The following VWF variants were observed in gnomAD, a reference collection of about 807,000 sequenced individuals.
VWF encodes the protein von Willebrand factor.
In VWF, 176 loss-of-function variants were observed where a neutral mutation model predicts 308.6. The ratio of observed to expected loss-of-function variants is 0.57; its 90% CI spans 0.50 to 0.65. VWF has a LOEUF of 0.65. Among genes scored for constraint, VWF ranks in the 30% least tolerant of loss-of-function variants. VWF has a pLI of 0.00. For synonymous variants in VWF, 1,385 were observed against 1,443.4 expected (o/e 0.96, Z 0.92); for missense variants, 3,146 against 3,648.2 (o/e 0.86, Z 3.55).
Position 6,058,103 on chromosome 12 carries a change from T to A in VWF, c.1534-59A>T, listed in dbSNP as rs1944610788. 15 of 1,587,980 alleles carry A rather than the reference T, an allele frequency of 9.4e-6. No homozygotes were observed. The highest frequency in any genetic ancestry group is 1.2e-5 in the Non-Finnish European group (14 of 1,166,596). On this transcript the variant is annotated intron_variant, in intron 13 of 51. Transcript: ENST00000261405. The surrounding 1 kb of genome is among the most constrained non-coding windows in gnomAD (Gnocchi z 4.9). ...GCCGCGAAAGCAGCGGCATAGTTGT[T>A]TAGCTAATGAGATGGTTTTAATAAA...
rs373887088 is a variant in VWF at position 6,058,207 on chromosome 12, C to T, written c.1534-163G>A. On this transcript the variant is annotated intron_variant, in intron 13 of 51. Coordinates refer to ENST00000261405, the MANE Select transcript of VWF (RefSeq NM_000552.5). This position sits in a 1 kb window ranked among gnomAD's most constrained non-coding sequence, Gnocchi z 4.9. Reference sequence around the variant, plus strand: ...AAGCCCTAGGCTGCAAAAGGGGGGGCGGGGGAAAGTGAACTGCAGTGTAAA... The same window carrying T: ...AAGCCCTAGGCTGCAAAAGGGGGGGTGGGGGAAAGTGAACTGCAGTGTAAA... Among the ~76,000 whole-genome samples the T allele has an allele frequency of 6.6e-6, 1 of 151,624 alleles. No individual in the cohort carries two copies. Among genetic ancestry groups the T allele is most frequent in the Non-Finnish European group, 1.5e-5 (1 of 67,918 alleles).
intron 10 of VWF, among the ~76,000 whole-genome samples, chr12:6,066,805 A>G (rs1193885301): frequency 6.6e-6 from 1 of 152,230 alleles, no homozygotes; most frequent in Non-Finnish European, 1.5e-5. Context: ...CTGGCACTTC[A>G]TGCTCGCATG....
At chr12:6,048,804 A>G (rs1340035213) in intron 16 of VWF, among the ~76,000 whole-genome samples, 1 of 152,224 alleles carries the variant, frequency 6.6e-6, no homozygotes, top group African/African-American at 2.4e-5. Flanking sequence ...GCTGCTGTTC[A>G]ATAAATATCT....
At chr12:5,949,961 T>G in intron 50 of VWF, 78 bp from the exon 51 acceptor site, 1 of 1,348,212 alleles carries the variant, frequency 7.4e-7, no homozygotes, top group Non-Finnish European at 1.1e-6. Flanking sequence ...GTGCCCTCAC[T>G]GGGCTGGAAA....
intron 50 of VWF, among the ~76,000 whole-genome samples, chr12:5,950,453 A>G (rs528045342): frequency 8.5e-5 from 13 of 152,180 alleles, no homozygotes; most frequent in Admixed American, 8.5e-4. Context: ...CACAGGGGTT[A>G]GTGGCATTCA....
chr12:5,968,176 G>A lies in VWF; in HGVS notation c.7730-9C>T, dbSNP rs1943426779. On this transcript the variant is annotated splice_polypyrimidine_tract_variant and intron_variant, in intron 45 of 51. Transcript: ENST00000261405. ...GCAGGCCTCCATGCGCTCTGGGGGA[G>A]AGAAAAGTGCAGAGTGAGAGTGGGC... The A allele has an allele frequency of 6.2e-7, 1 of 1,614,046 alleles. No homozygotes were observed. Among genetic ancestry groups the A allele is most frequent in the Non-Finnish European group, 8.5e-7 (1 of 1,179,968 alleles).
intron 5 of VWF, among the ~76,000 whole-genome samples, chr12:6,099,126 C>G (rs1945134754): frequency 6.6e-6 from 1 of 151,954 alleles, no homozygotes; most frequent in Admixed American, 6.6e-5. Context: ...TCAAGATCAG[C>G]CTGTCCAACA....
chr12:6,061,854 G>A (rs139153267), intron 13 of VWF, among the ~76,000 whole-genome samples: 70 of 152,300 alleles, frequency 4.6e-4, no homozygotes, highest in African/African-American at 1.6e-3. Context: ...CACATGACAT[G>A]CAATATTGCA....
chr12:6,014,006 C>T (rs1201311378), intron 31 of VWF, among the ~76,000 whole-genome samples: 1 of 152,000 alleles, frequency 6.6e-6, no homozygotes, highest in Non-Finnish European at 1.5e-5. Context: ...ATGCCCAGGG[C>T]TGAGGTGTGG....
chr12:5,960,900 C>T (rs1943306292), intron 47 of VWF, among the ~76,000 whole-genome samples: 1 of 152,200 alleles, frequency 6.6e-6, no homozygotes, highest in East Asian at 1.9e-4. Flanking sequence ...CTGGGCTGCA[C>T]AGCAGGAGGT....
At chr12:5,975,977 C>T (rs1943528427) in intron 43 of VWF, 134 bp downstream of exon 43, 1 of 1,316,232 alleles carries the variant, frequency 7.6e-7, no homozygotes, top group Non-Finnish European at 1.0e-6. Flanking sequence ...GATTGTGCCA[C>T]TGCACTCCAG....
intron 5 of VWF, among the ~76,000 whole-genome samples, chr12:6,098,533 C>A (rs547997858): frequency 6.6e-6 from 1 of 152,274 alleles, no homozygotes; most frequent in African/African-American, 2.4e-5. Flanking sequence ...AATCCCAGCA[C>A]TTTGGGAGGC....
chr12:6,072,331 C>T lies in VWF; in HGVS notation c.1109G>A (p.Cys370Tyr), dbSNP rs763827767. The T allele has an allele frequency of 1.2e-6, 2 of 1,613,550 alleles. No homozygotes were observed. The highest frequency in any genetic ancestry group is 1.7e-6 in the Non-Finnish European group (2 of 1,179,736). ...GTSLSRDCNT[C>Y]ICRNSQWICS... The stretch of plus-strand genomic sequence containing the variant: ...GAGCACGCTGCGCAGCCCCCATTAC[C>T]AGGTGTTGCAGTCTCGAGAGAGGGA... The change falls in exon 9 of 52, where the codon TGC (cysteine) becomes TAC (tyrosine). Residue 370 changes from cysteine (C) to tyrosine (Y), a missense_variant and splice_region_variant. Cys to Tyr is a radical substitution (Grantham distance 194). Around this residue, in one of 3 missense-constraint regions of VWF, gnomAD observed 1,304 missense variants for 1,353.0 expected, o/e 0.96. Transcript: ENST00000261405.
chr12:6,035,791 C>T (rs759689807), intron 19 of VWF, among the ~76,000 whole-genome samples: 4 of 152,200 alleles, frequency 2.6e-5, no homozygotes, highest in Non-Finnish European at 4.4e-5. Context: ...AACAGAAATA[C>T]AAGCTGAGCA....
intron 5 of VWF, among the ~76,000 whole-genome samples, chr12:6,101,671 G>A (rs1237300082): frequency 6.6e-6 from 1 of 152,076 alleles, no homozygotes; most frequent in African/African-American, 2.4e-5. Flanking sequence ...AGTTATTCAG[G>A]AGGCTGAGGC....
chr12:6,103,163 C>A (rs1945185460), intron 5 of VWF, among the ~76,000 whole-genome samples: 1 of 151,886 alleles, frequency 6.6e-6, no homozygotes, highest in African/African-American at 2.4e-5. Context: ...CCCATCTCTA[C>A]TAAAAATACA....
chr12:6,096,171 G>A (rs1173075767), intron 5 of VWF, among the ~76,000 whole-genome samples: 2 of 151,856 alleles, frequency 1.3e-5, no homozygotes, highest in African/African-American at 2.4e-5. Context: ...TTACAATTAC[G>A]ATGAGGGAGA....
chr12:5,951,985 G>T, intron 49 of VWF, 102 bp from the exon 50 acceptor site: 2 of 1,138,820 alleles, frequency 1.8e-6, no homozygotes, highest in Non-Finnish European at 2.7e-6. Flanking sequence ...ACAGCCCTGT[G>T]CTTAAGTGCC....
intron 13 of VWF, among the ~76,000 whole-genome samples, chr12:6,061,651 G>A (rs1446686917): frequency 6.6e-6 from 1 of 152,186 alleles, no homozygotes; most frequent in African/African-American, 2.4e-5. Context: ...CAGGAGGCAG[G>A]AGGAGGCTCT....
Sources: allele counts gnomAD v4.1 joint callset (sites outside exome capture counted in the v4.1 genomes callset), GRCh38; gene constraint gnomAD v4.1.1; regional missense constraint gnomAD v4.1.1; non-coding constraint Gnocchi (gnomAD v3.1); transcripts MANE v1.5; gene names NCBI Gene and HGNC (gene_info 2026-07-23, HGNC 2026-07-21).